NFYC: variants seen among roughly 807,000 people sequenced by gnomAD.
NFYC encodes CAAT box DNA-binding protein subunit C.
NFYC carries 25 observed loss-of-function variants against 53.1 expected under a neutral mutation model. That is an observed-to-expected ratio of 0.47 (90% confidence interval 0.34 to 0.66). NFYC has a LOEUF of 0.66. NFYC is among the 30% of genes least tolerant of loss of function. The pLI is 0.01. For missense variants in NFYC, 260 were observed against 422.7 expected, an observed-to-expected ratio of 0.62 and a Z score of 3.38; for synonymous variants, 145 against 152.6, an observed-to-expected ratio of 0.95 and a Z score of 0.37.
intron 1 of NFYC, among the ~76,000 whole-genome samples, chr1:40,722,729 A>T (rs1471872375): frequency 6.6e-6 from 1 of 152,222 alleles, no homozygotes; most frequent in Admixed American, 6.5e-5. Flanking sequence ...AGAAGTTAAG[A>T]GATTTGCTCA....
Position 40,758,628 on chromosome 1 carries a change from T to C in NFYC, c.561+334T>C, listed in dbSNP as rs557500597. ...GTGCTAAAGTGAACTCCATGCCTGC[T>C]GTCTGTGTGTCTGTGTGAGAAGTGG... On this transcript the variant is annotated intron_variant, in intron 6 of 9. Transcript: ENST00000447388. 2.0e-5 allele frequency among the ~76,000 whole-genome samples: 3 copies of C among 152,292 alleles called. No homozygotes were observed. The East Asian group carries it at 5.8e-4, about 29-fold the overall frequency.
intron 9 of NFYC, among the ~76,000 whole-genome samples, 180 bp downstream of exon 9, chr1:40,769,595 T>C (rs1646983667): frequency 1.3e-5 from 2 of 152,164 alleles, no homozygotes; most frequent in Non-Finnish European, 2.9e-5. Flanking sequence ...TTTTATAGAC[T>C]TAGTGGGAAC....
intron 1 of NFYC, among the ~76,000 whole-genome samples, chr1:40,733,019 C>CCCCCCCCT (rs35467973): frequency 8.7e-5 from 9 of 103,190 alleles, no homozygotes; most frequent in African/African-American, 3.4e-4. Flanking sequence ...CCCCCCCCCC[C>CCCCCCCCT]TTTTTTTTTT....
At chr1:40,707,873 AAG>A (rs1236514789) in intron 1 of NFYC, among the ~76,000 whole-genome samples, 1 of 151,416 alleles carries the variant, frequency 6.6e-6, no homozygotes, top group African/African-American at 2.4e-5. Flanking sequence ...AAAAGAATGA[AAG>A]AAATAACGAA....
chr1:40,742,024 C>T (rs1009661572), intron 2 of NFYC, among the ~76,000 whole-genome samples: 2 of 152,018 alleles, frequency 1.3e-5, no homozygotes, highest in African/African-American at 4.8e-5. Flanking sequence ...CCTACTCAGT[C>T]CCCCAAGTAG....
chr1:40,763,257 T>G, intron 7 of NFYC: 1 of 462,274 alleles, frequency 2.2e-6, no homozygotes, highest in Non-Finnish European at 3.9e-6. Context: ...TGTATATCTA[T>G]AGCTATATAT....
chr1:40,708,356 T>C (rs1406210677), intron 1 of NFYC, among the ~76,000 whole-genome samples: 1 of 152,226 alleles, frequency 6.6e-6, no homozygotes. Flanking sequence ...GCAAGTGTTT[T>C]ATGCAAATAC....
Position 40,770,287 on chromosome 1 carries a change from G to T in NFYC, c.889-422G>T. ...GCCAGATATTCTGAGAAAAGAAGGA[G>T]AGGAGGGGGTAATCCTACTGCCCCT... On this transcript the variant is annotated intron_variant, in intron 9 of 9. Coordinates refer to ENST00000447388, the MANE Select transcript of NFYC (RefSeq NM_014223.5). The surrounding 1 kb of genome is among the most constrained non-coding windows in gnomAD (Gnocchi z 5.3). 3.0e-6 allele frequency: 3 copies of T among 1,016,454 alleles called. No individual in the cohort carries two copies. Among genetic ancestry groups the T allele is most frequent in the South Asian group, 3.4e-5 (2 of 59,548 alleles). The allele number at this position is 1,016,454 out of a possible 1,614,324, so 63.0% of individuals were successfully genotyped here. A position where few individuals can be genotyped will look rare whatever the true frequency, so the allele number is the denominator to read the frequency against.
chr1:40,737,901 C>CTTTTTTTTTTTTTTTTTTTTTTTTTT (rs530348029), intron 1 of NFYC, among the ~76,000 whole-genome samples: 1 of 123,162 alleles, frequency 8.1e-6, no homozygotes, highest in African/African-American at 3.1e-5. Flanking sequence ...TGCTCTCTCT[C>CTTTTTTTTTTTTTTTTTTTTTTTTTT]TTTTTTTTTT....
intron 1 of NFYC, among the ~76,000 whole-genome samples, chr1:40,707,085 G>A (rs907346018): frequency 6.6e-5 from 10 of 151,752 alleles, no homozygotes; most frequent in African/African-American, 2.2e-4. Context: ...CATGAGAATC[G>A]CTTGAACCCA....
chr1:40,765,498 G>A (rs1646766124), intron 7 of NFYC, among the ~76,000 whole-genome samples: 1 of 152,226 alleles, frequency 6.6e-6, no homozygotes. Flanking sequence ...GAGTCCTGCA[G>A]TGAAGTTAGC....
intron 1 of NFYC, among the ~76,000 whole-genome samples, chr1:40,702,633 C>T (rs1427952153): frequency 6.6e-6 from 1 of 152,072 alleles, no homozygotes; most frequent in Non-Finnish European, 1.5e-5. Context: ...TGAACCACCG[C>T]ACCCGGCCTA....
At chr1:40,749,374 A>G (rs1645787066) in intron 3 of NFYC, among the ~76,000 whole-genome samples, 199 bp from the exon 4 acceptor site, 1 of 152,174 alleles carries the variant, frequency 6.6e-6, no homozygotes, top group Non-Finnish European at 1.5e-5. Flanking sequence ...GGCGCATGGT[A>G]TGTGCTAGAT....
At chr1:40,735,832 A>AT in intron 1 of NFYC, 1 of 793,952 alleles carries the variant, frequency 1.3e-6, no homozygotes, top group Non-Finnish European at 1.5e-6. Context: ...AAAAGGTTAA[A>AT]TTGAGTCACT....
intron 6 of NFYC, 180 bp downstream of exon 6, chr1:40,758,474 C>G: frequency 1.5e-6 from 1 of 649,226 alleles, no homozygotes; most frequent in East Asian, 2.9e-5. Context: ...CCTAATCTCT[C>G]TGGACCCTGT....
chr1:40,692,028 C>T (rs34027220), intron 1 of NFYC, 161 bp downstream of exon 1: 2,833 of 201,222 alleles, frequency 0.014, 29 homozygotes, highest in Non-Finnish European at 0.022. Flanking sequence ...CTTGCCTGGC[C>T]CGCTGCTGTC....
chr1:40,729,672 C>T (rs1477901718), intron 1 of NFYC, among the ~76,000 whole-genome samples: 2 of 151,432 alleles, frequency 1.3e-5, no homozygotes, highest in Admixed American at 1.3e-4. Context: ...CTTGGTCCAT[C>T]TCAGCTCTTT....
chr1:40,721,427 G>A (rs1452775489), intron 1 of NFYC, among the ~76,000 whole-genome samples: 2 of 152,166 alleles, frequency 1.3e-5, no homozygotes, highest in Admixed American at 6.5e-5. Context: ...GCCAGGTTGA[G>A]TGGGGAGCTG....
In NFYC at chr1:40,770,575, C is replaced by T. The variant is rs761636567; in HGVS notation, c.889-134C>T. On this transcript the variant is annotated intron_variant, in intron 9 of 9. Coordinates refer to ENST00000447388, the MANE Select transcript of NFYC (RefSeq NM_014223.5). The surrounding 1 kb of genome is among the most constrained non-coding windows in gnomAD (Gnocchi z 5.3). Reference sequence around the variant, plus strand: ...TCCCAACCCCAGCAGAGCTCCACTTCCCCTCCTCCTTCTGACGCCTTGCAG... The same window carrying T: ...TCCCAACCCCAGCAGAGCTCCACTTTCCCTCCTCCTTCTGACGCCTTGCAG... 11 of 1,607,118 alleles carry T rather than the reference C, an allele frequency of 6.8e-6. No homozygotes were observed. The East Asian group carries it at 1.6e-4, about 23-fold the overall frequency.
Sources: allele counts gnomAD v4.1 joint callset (sites outside exome capture counted in the v4.1 genomes callset), GRCh38; gene constraint gnomAD v4.1.1; non-coding constraint Gnocchi (gnomAD v3.1); transcripts MANE v1.5; gene names NCBI Gene and HGNC (gene_info 2026-07-23, HGNC 2026-07-21).